The following RGS6 variants were observed in gnomAD, a reference collection of about 807,000 sequenced individuals.
RGS6 encodes the protein regulator of G protein signaling 6.
A neutral mutation model predicts 78.5 loss-of-function variants in RGS6; 30 were observed. The ratio of observed to expected loss-of-function variants is 0.38; its 90% CI spans 0.29 to 0.52. The LOEUF is 0.52. RGS6 is among the 20% of genes least tolerant of loss of function. The pLI is 0.85. For synonymous variants in RGS6, 206 were observed against 206.0 expected, an observed-to-expected ratio of 1.00 and a Z score of 0.00; for missense variants, 495 against 609.7, an observed-to-expected ratio of 0.81 and a Z score of 1.98.
intron 8 of RGS6, among the ~76,000 whole-genome samples, chr14:72,471,922 G>A (rs1342270053): frequency 6.6e-6 from 1 of 152,180 alleles, no homozygotes; most frequent in Non-Finnish European, 1.5e-5. Flanking sequence ...TATAAACAGA[G>A]GGGAAATTGT....
chr14:72,369,642 A>G (rs958284465), intron 3 of RGS6, among the ~76,000 whole-genome samples: 2 of 152,218 alleles, frequency 1.3e-5, no homozygotes, highest in African/African-American at 4.8e-5. Flanking sequence ...AAAAATATAG[A>G]TTATAATATT....
At chr14:72,486,988 C>T (rs1268132343) in intron 12 of RGS6, among the ~76,000 whole-genome samples, 1 of 152,128 alleles carries the variant, frequency 6.6e-6, no homozygotes, top group African/African-American at 2.4e-5. Context: ...GAAGTTAACC[C>T]TCTCTGCTAC....
chr14:72,419,256 C>G lies in RGS6; in HGVS notation c.185-35272C>G, dbSNP rs571845754. Among the ~76,000 whole-genome samples, 68 of 152,336 alleles carry G rather than the reference C, an allele frequency of 4.5e-4. 1 individual carries two copies. The South Asian group carries it at 5.6e-3, about 13-fold the overall frequency. ...TTGAGAGCTTGCTTTACACTGGGTA[C>G]TTTTTCAAGTGTCTTACAAGTATTC... On this transcript the variant is annotated intron_variant, in intron 3 of 17. Transcript: ENST00000553525.
intron 2 of RGS6, among the ~76,000 whole-genome samples, chr14:72,115,095 G>C (rs1483887379): frequency 6.6e-6 from 1 of 152,106 alleles, no homozygotes; most frequent in Non-Finnish European, 1.5e-5. Context: ...CATCCACTTG[G>C]ATCTCAGTTA....
At chr14:72,619,471 C>A in the RGS6 span, 1 of 1,323,564 alleles carries the variant, frequency 7.6e-7, no homozygotes, top group South Asian at 1.3e-5. Context: ...TGAACTTTGG[C>A]AATGCAGAAA....
chr14:72,444,033 C>T (rs1597595870), intron 3 of RGS6, among the ~76,000 whole-genome samples: 2 of 152,192 alleles, frequency 1.3e-5, no homozygotes, highest in South Asian at 2.1e-4. Flanking sequence ...TTGCCCTGGA[C>T]GCTTTTGATT....
chr14:72,308,678 T>C (rs1173053888), intron 2 of RGS6, among the ~76,000 whole-genome samples: 2 of 152,224 alleles, frequency 1.3e-5, no homozygotes, highest in African/African-American at 4.8e-5. Context: ...AAATGCAGGA[T>C]TCTCATACAG....
chr14:72,486,430 T>C (rs1327737311), intron 12 of RGS6, among the ~76,000 whole-genome samples: 1 of 152,064 alleles, frequency 6.6e-6, no homozygotes, highest in East Asian at 1.9e-4. Flanking sequence ...AGTAGCCTTG[T>C]GTACATGTCA....
intron 2 of RGS6, among the ~76,000 whole-genome samples, chr14:72,187,778 T>C (rs1049326586): frequency 6.6e-6 from 1 of 152,230 alleles, no homozygotes; most frequent in Non-Finnish European, 1.5e-5. Context: ...TCAATCTTCA[T>C]TATTCACAGT....
At chr14:72,444,262 A>G (rs912146474) in intron 3 of RGS6, among the ~76,000 whole-genome samples, 1 of 152,132 alleles carries the variant, frequency 6.6e-6, no homozygotes, top group Non-Finnish European at 1.5e-5. Context: ...TGGTTGATTT[A>G]TGAGTTGGTA....
intron 2 of RGS6, among the ~76,000 whole-genome samples, chr14:72,265,027 T>A (rs547567859): frequency 1.3e-5 from 2 of 152,318 alleles, no homozygotes; most frequent in South Asian, 4.1e-4. Flanking sequence ...TAAATCCAAA[T>A]GATCACATAT....
chr14:71,893,707 A>G, the RGS6 span, among the ~76,000 whole-genome samples: 9 of 152,182 alleles, frequency 5.9e-5, no homozygotes, highest in Non-Finnish European at 1.3e-4. Context: ...GCACATGTGC[A>G]TTGGATAAAT....
intron 7 of RGS6, among the ~76,000 whole-genome samples, chr14:72,466,548 T>C (rs544602547): frequency 7.2e-5 from 11 of 152,246 alleles, no homozygotes; most frequent in Non-Finnish European, 1.6e-4. Flanking sequence ...AATACTACTA[T>C]GCAGTAAAAA....
At chr14:72,381,925 C>T (rs897229554) in intron 3 of RGS6, among the ~76,000 whole-genome samples, 3 of 151,934 alleles carry the variant, frequency 2.0e-5, no homozygotes, top group African/African-American at 4.8e-5. Context: ...GGTAAAGCTA[C>T]TTAGTAGTTT....
At chr14:72,495,555 T>G (rs1032417871) in intron 13 of RGS6, among the ~76,000 whole-genome samples, 8 of 152,152 alleles carry the variant, frequency 5.3e-5, no homozygotes, top group Non-Finnish European at 1.0e-4. Flanking sequence ...TGTTCCAATT[T>G]TTTTTCCTGT....
chr14:72,197,440 A>G (rs187965652), intron 2 of RGS6, among the ~76,000 whole-genome samples: 111 of 152,264 alleles, frequency 7.3e-4, no homozygotes, highest in African/African-American at 2.6e-3. Context: ...GTCTGCCTCA[A>G]ACAGAAGTCC....
intron 2 of RGS6, among the ~76,000 whole-genome samples, chr14:72,184,524 C>T (rs2097214332): frequency 1.3e-5 from 2 of 151,900 alleles, no homozygotes; most frequent in South Asian, 4.2e-4. Context: ...TTATGCTTTC[C>T]CTGGAATACA....
At chr14:72,437,706 T>TC (rs1434072417) in intron 3 of RGS6, among the ~76,000 whole-genome samples, 7 of 152,292 alleles carry the variant, frequency 4.6e-5, no homozygotes, top group Non-Finnish European at 4.4e-5. Context: ...GGTCTGAAGT[T>TC]GATCAATGTG....
intron 3 of RGS6, among the ~76,000 whole-genome samples, chr14:72,388,796 C>A (rs919025146): frequency 6.6e-6 from 1 of 152,178 alleles, no homozygotes; most frequent in South Asian, 2.1e-4. Context: ...TACTTTACTT[C>A]TTTGTGCTTT....
Sources: allele counts gnomAD v4.1 joint callset (sites outside exome capture counted in the v4.1 genomes callset), GRCh38; gene constraint gnomAD v4.1.1; transcripts MANE v1.5; gene names NCBI Gene and HGNC (gene_info 2026-07-23, HGNC 2026-07-21).